The following RELN variants were observed in gnomAD, a reference collection of about 807,000 sequenced individuals.
RELN encodes reelin.
RELN carries 108 observed loss-of-function variants against 427.6 expected under a neutral mutation model. The ratio of observed to expected loss-of-function variants is 0.25; its 90% CI spans 0.22 to 0.30. The LOEUF is 0.30. RELN is among the 10% of genes least tolerant of loss of function. The pLI is 1.00. For synonymous variants in RELN, 1,524 were observed against 1,513.4 expected (o/e 1.01, Z -0.16); for missense variants, 3,715 against 4,302.8 (o/e 0.86, Z 3.82).
rs1418038028 is a variant in RELN at position 103,535,385 on chromosome 7, T to C, written c.7280A>G (p.Gln2427Arg). The C allele has an allele frequency of 6.2e-7, 1 of 1,613,994 alleles. No homozygotes were observed. Among genetic ancestry groups the C allele is most frequent in the African/African-American group, 1.3e-5 (1 of 74,926 alleles). The change falls in exon 46 of 65, where the codon CAA (glutamine) becomes CGA (arginine). Residue 2427 changes from glutamine (Q) to arginine (R), a missense_variant. By Grantham distance (43) the Gln-to-Arg change is conservative. Transcript: ENST00000428762. ...TNVECSRYHL[Q>R]RILVSDTFNK... ...GAAAGTGTCTGACACCAGGATCCGTTGCAGATGATAGCGACTGCATTCCAC... is the reference window on the plus strand; with the variant it reads ...GAAAGTGTCTGACACCAGGATCCGTCGCAGATGATAGCGACTGCATTCCAC...
chr7:103,745,266 C>T (rs1584458159), intron 6 of RELN, among the ~76,000 whole-genome samples: 1 of 152,050 alleles, frequency 6.6e-6, no homozygotes, highest in African/African-American at 2.4e-5. Context: ...GGATGTATCT[C>T]AAAATAATAA....
intron 1 of RELN, among the ~76,000 whole-genome samples, chr7:103,938,784 C>T (rs765688922): frequency 3.9e-5 from 6 of 152,112 alleles, no homozygotes; most frequent in Non-Finnish European, 7.4e-5. Context: ...ACTCAAATGT[C>T]ACCTGGATCT....
chr7:103,565,316 A>T lies in RELN; in HGVS notation c.5172T>A (p.Asn1724Lys). 6.2e-7 allele frequency: 1 copy of T among 1,614,160 alleles called. No homozygotes were observed. Among genetic ancestry groups the T allele is most frequent in the Non-Finnish European group, 8.5e-7 (1 of 1,180,008 alleles). Residue 1724 changes from asparagine (N) to lysine (K), a missense_variant, in exon 34 of 65, where the codon AAT (asparagine) becomes AAA (lysine). By Grantham distance (94) the Asn-to-Lys change is moderately conservative. This residue lies in a region of RELN where 2,208 missense variants were observed against 2,361.7 expected (regional missense o/e 0.93). Coordinates refer to ENST00000428762, the MANE Select transcript of RELN (RefSeq NM_005045.4). ...GAAGGTAGACAGTGATCCGCTTCCAATTCTGGAATCTTTCCGAGGTGTAAA... is the reference window on the plus strand; with the variant it reads ...GAAGGTAGACAGTGATCCGCTTCCATTTCTGGAATCTTTCCGAGGTGTAAA... Reference protein sequence around the residue: ...SSIYTSERFQNWKRITVYLPL... With the variant: ...SSIYTSERFQKWKRITVYLPL...
intron 1 of RELN, among the ~76,000 whole-genome samples, chr7:103,982,572 G>C (rs1376503335): frequency 6.6e-6 from 1 of 151,880 alleles, no homozygotes; most frequent in Non-Finnish European, 1.5e-5. Flanking sequence ...GAAGAGGAGA[G>C]GGAAAGCAAG....
chr7:103,496,803 C>G (rs770904366), intron 55 of RELN, 35 bp from the exon 56 acceptor site: 67 of 1,609,746 alleles, frequency 4.2e-5, no homozygotes, highest in Non-Finnish European at 5.7e-5. Flanking sequence ...AGCAATATAT[C>G]TAGAATCTCC....
At chr7:103,612,512 T>C (rs1333910200) in intron 20 of RELN, among the ~76,000 whole-genome samples, 2 of 152,084 alleles carry the variant, frequency 1.3e-5, no homozygotes, top group Non-Finnish European at 2.9e-5. Flanking sequence ...CGACCTCAGG[T>C]GATCTGCCCA....
At chr7:103,735,719 C>A (rs17155063) in intron 6 of RELN, among the ~76,000 whole-genome samples, 9,562 of 152,188 alleles carry the variant, frequency 0.063, 355 homozygotes, top group East Asian at 0.14. Flanking sequence ...TAGAAACTCA[C>A]TGACAGTCAG....
chr7:103,758,729 T>G (rs1293917681), intron 4 of RELN, among the ~76,000 whole-genome samples: 1 of 149,678 alleles, frequency 6.7e-6, no homozygotes, highest in African/African-American at 2.5e-5. Flanking sequence ...ATGTTATGAG[T>G]GTCAAAACCA....
rs565450477 is a variant in RELN at position 103,762,844 on chromosome 7, AC to A, written c.545-9631del. 4.7e-4 allele frequency among the ~76,000 whole-genome samples: 71 copies of A among 152,306 alleles called. No homozygotes were observed. In the South Asian group the frequency reaches 9.1e-3, roughly 20 times the overall value. The stretch of plus-strand genomic sequence containing the variant: ...CTCTAAGATAGATTTAAGGCAGCTT[AC>A]AAAAAAAGGCAGACAGCTGAACAAG... On this transcript the variant is annotated intron_variant, in intron 4 of 64. Coordinates refer to ENST00000428762, the MANE Select transcript of RELN (RefSeq NM_005045.4).
At chr7:103,558,079 C>CT (rs753624145) in intron 36 of RELN, 30 bp from the exon 37 acceptor site, 4 of 1,056,590 alleles carry the variant, frequency 3.8e-6, no homozygotes, top group South Asian at 2.5e-5. Flanking sequence ...CGTTAAGCAA[C>CT]TTTTTTTCAC....
In RELN at chr7:103,562,882, C is replaced by T. The variant is rs549510829; in HGVS notation, c.5211-929G>A. 9.0e-4 allele frequency among the ~76,000 whole-genome samples: 137 copies of T among 152,310 alleles called. 1 individual carries two copies. Among genetic ancestry groups the T allele is most frequent in the African/African-American group, 3.2e-3 (133 of 41,560 alleles). On this transcript the variant is annotated intron_variant, in intron 34 of 64. Transcript: ENST00000428762. The stretch of plus-strand genomic sequence containing the variant: ...ATACATGGCTCCTCCATTGTCTGTC[C>T]TCTTTCCTGGCTCCAGACCTCCTAC...
intron 1 of RELN, among the ~76,000 whole-genome samples, chr7:103,944,210 C>CATAAGA (rs1220498218): frequency 6.6e-6 from 1 of 152,038 alleles, no homozygotes; most frequent in African/African-American, 2.4e-5. Context: ...ATTAATAAAC[C>CATAAGA]ATAAGAATAA....
intron 20 of RELN, among the ~76,000 whole-genome samples, chr7:103,617,318 T>C (rs1247605094): frequency 6.6e-6 from 1 of 152,174 alleles, no homozygotes; most frequent in Non-Finnish European, 1.5e-5. Context: ...TTTGTTGTAA[T>C]GTTTTGTTTC....
intron 2 of RELN, among the ~76,000 whole-genome samples, chr7:103,882,901 A>G (rs1794640644): frequency 6.6e-6 from 1 of 152,178 alleles, no homozygotes; most frequent in Non-Finnish European, 1.5e-5. Context: ...TATTCCAACA[A>G]AAGAAAAAGA....
At chr7:103,525,516 C>T (rs1371690240) in intron 46 of RELN, among the ~76,000 whole-genome samples, 1 of 152,076 alleles carries the variant, frequency 6.6e-6, no homozygotes, top group Non-Finnish European at 1.5e-5. Context: ...ATGCACTCAC[C>T]CCTGTAAGCT....
chr7:103,885,898 TTA>T (rs772867901), intron 2 of RELN, among the ~76,000 whole-genome samples: 3 of 152,142 alleles, frequency 2.0e-5, no homozygotes, highest in Admixed American at 6.5e-5. Flanking sequence ...TAAAGTGCTT[TTA>T]TAACTTAAAC....
At chr7:103,842,714 A>G (rs1252692947) in intron 2 of RELN, among the ~76,000 whole-genome samples, 1 of 152,244 alleles carries the variant, frequency 6.6e-6, no homozygotes, top group Non-Finnish European at 1.5e-5. Flanking sequence ...GAAGCCAAAA[A>G]GCACTAAAAC....
At chr7:103,865,132 C>CAAAAAAAAAAAAAAAAAAA (rs386410871) in intron 2 of RELN, among the ~76,000 whole-genome samples, 1 of 67,198 alleles carries the variant, frequency 1.5e-5, no homozygotes, top group Non-Finnish European at 2.7e-5. Context: ...GAAACTGTCT[C>CAAAAAAAAAAAAAAAAAAA]AAAAAAAAAA....
intron 3 of RELN, among the ~76,000 whole-genome samples, chr7:103,817,460 T>C (rs1792901693): frequency 6.6e-6 from 1 of 152,056 alleles, no homozygotes; most frequent in African/African-American, 2.4e-5. Context: ...GAGATGGAGG[T>C]GAAAAAGACT....
Sources: gnomAD v4.1 joint callset for allele counts (sites outside exome capture counted in the v4.1 genomes callset) on GRCh38, gnomAD v4.1.1 for gene constraint, gnomAD v4.1.1 regional missense constraint, MANE v1.5 for transcripts, NCBI Gene and HGNC (gene_info 2026-07-23, HGNC 2026-07-21) for gene names.